ZNF721: variants seen among roughly 807,000 people sequenced by gnomAD.
ZNF721 encodes the protein zinc finger protein 721.
In ZNF721, 2 loss-of-function variants were observed where a neutral mutation model predicts 2.4. The observed-to-expected ratio is 0.82, with a 90% CI of 0.34 to 2.58. ZNF721 has a LOEUF of 2.58. Among genes scored for constraint, ZNF721 ranks in the 30% most tolerant of loss-of-function variants. The pLI is 0.11. For missense variants in ZNF721, 1,187 were observed against 1,085.5 expected (o/e 1.09, Z -1.31); for synonymous variants, 398 against 381.8 (o/e 1.04, Z -0.50).
chr4:440,525 A>G lies in ZNF721; in HGVS notation c.*1170T>C, dbSNP rs765358077. ...TATACTTAATACTCTGATTTATTTT[A>G]AAGTCTGAAGTGTTAGTTCCTTAGT... On this transcript the variant is annotated 3_prime_UTR_variant, in exon 3 of 3. Coordinates refer to ENST00000511833, the MANE Select transcript of ZNF721 (RefSeq NM_133474.4). 5 of 152,232 alleles carry G rather than the reference A, an allele frequency of 3.3e-5. No homozygotes were observed. Among genetic ancestry groups the G allele is most frequent in the Non-Finnish European group, 7.3e-5 (5 of 68,044 alleles). 9.4% of individuals were successfully genotyped at this position (152,232 alleles called of 1,614,324 possible). A position where few individuals can be genotyped will look rare whatever the true frequency, so the allele number is the denominator to read the frequency against.
At position 442,679 on chromosome 4, in the gene ZNF721, C is replaced by T. The variant is rs782475318; in HGVS notation, c.1788G>A (p.Arg596=). 14 of 1,613,840 alleles carry T rather than the reference C, an allele frequency of 8.7e-6. No homozygotes were observed. In the East Asian group the frequency reaches 2.0e-4, roughly 23 times the overall value. Residue 596 remains arginine, a synonymous_variant, in exon 3 of 3, where the codon CGG becomes CGA. Transcript: ENST00000511833. ...TCTTGTGTTGATTCAGGTCTGTGTA[C>T]CGTCCAAAGGCTTTGCCACACTCTT... ...KCEECGKAFG[R]YTDLNQHKKI...
chr4:455,785 C>CA (rs1162195394), intron 2 of ZNF721, among the ~76,000 whole-genome samples: 1 of 152,018 alleles, frequency 6.6e-6, no homozygotes, highest in African/African-American at 2.4e-5. Flanking sequence ...TTTTGTAAGA[C>CA]AAAATGTAGA....
At chr4:451,979 AG>A (rs1435800369) in intron 2 of ZNF721, among the ~76,000 whole-genome samples, 21 of 152,208 alleles carry the variant, frequency 1.4e-4, no homozygotes, top group Admixed American at 1.3e-3. Flanking sequence ...CAGTTGGTAA[AG>A]GGAATGCTGA....
chr4:483,453 G>A (rs1325219272), intron 1 of ZNF721, among the ~76,000 whole-genome samples: 2 of 152,078 alleles, frequency 1.3e-5, no homozygotes, highest in Admixed American at 6.5e-5. Context: ...TTGGGAGGCT[G>A]AGGCAGGAGA....
intron 1 of ZNF721, among the ~76,000 whole-genome samples, chr4:473,372 C>T (rs1715499458): frequency 6.6e-6 from 1 of 152,102 alleles, no homozygotes; most frequent in Non-Finnish European, 1.5e-5. Context: ...CCAACACAAA[C>T]GCTTTTCATC....
chr4:488,495 C>A (rs1384272595), intron 1 of ZNF721, among the ~76,000 whole-genome samples: 1 of 152,164 alleles, frequency 6.6e-6, no homozygotes, highest in Admixed American at 6.5e-5. Context: ...GGTGGTCTCT[C>A]TTCCTGTGGA....
Position 444,248 on chromosome 4 carries a change from C to G in ZNF721, c.219G>C (p.Leu73Phe), listed in dbSNP as rs1222358832. Residue 73 changes from leucine to phenylalanine, a missense_variant, in exon 3 of 3, where the codon TTG becomes TTC. Physicochemically the swap from Leu to Phe is conservative, Grantham distance 22. Transcript: ENST00000511833. ...KGVYNGINKC[L>F]SNTQSKIFQC... ...GAAATATTTTGCTCTGAGTATTTGA[C>G]AAGCATTTATTAATTCCATTATAAA... The G allele has an allele frequency of 6.2e-7, 1 of 1,613,594 alleles. No individual in the cohort carries two copies. Among genetic ancestry groups the G allele is most frequent in the Non-Finnish European group, 8.5e-7 (1 of 1,179,764 alleles).
intron 1 of ZNF721, among the ~76,000 whole-genome samples, chr4:498,664 C>A (rs1442391795): frequency 6.6e-6 from 1 of 151,390 alleles, no homozygotes; most frequent in Non-Finnish European, 1.5e-5. Context: ...CATGTGGCAT[C>A]TTTAAAACGA....
At chr4:488,008 T>A (rs758790023) in intron 1 of ZNF721, among the ~76,000 whole-genome samples, 4 of 152,146 alleles carry the variant, frequency 2.6e-5, no homozygotes, top group Non-Finnish European at 4.4e-5. Flanking sequence ...GGGTACCAAT[T>A]CGCCTCAGCC....
chr4:483,289 G>A (rs1186726382), intron 1 of ZNF721, among the ~76,000 whole-genome samples: 2 of 152,166 alleles, frequency 1.3e-5, no homozygotes, highest in Non-Finnish European at 2.9e-5. Flanking sequence ...GGTGGCTCAC[G>A]CCTGTAATCC....
chr4:492,168 A>C (rs578025072), intron 1 of ZNF721, among the ~76,000 whole-genome samples: 2,176 of 151,698 alleles, frequency 0.014, 27 homozygotes, highest in Middle Eastern at 0.059. Context: ...GTCTCAAAAA[A>C]AAAAAAACAA....
At chr4:493,675 T>TC (rs1389677302) in intron 1 of ZNF721, among the ~76,000 whole-genome samples, 3 of 64,668 alleles carry the variant, frequency 4.6e-5, no homozygotes, top group South Asian at 6.1e-4. Flanking sequence ...GAAGATTCCA[T>TC]CCCCCCCGCA....
intron 2 of ZNF721, among the ~76,000 whole-genome samples, chr4:472,227 G>T (rs1715459658): frequency 6.6e-6 from 1 of 152,036 alleles, no homozygotes; most frequent in Non-Finnish European, 1.5e-5. Flanking sequence ...TGCCCAGCTA[G>T]TTTTTTGTAT....
intron 1 of ZNF721, among the ~76,000 whole-genome samples, chr4:494,888 C>T (rs1279883438): frequency 2.3e-5 from 3 of 128,088 alleles, no homozygotes; most frequent in East Asian, 5.0e-4. Flanking sequence ...TTTTACAGTG[C>T]ACTTATTTTT....
intron 1 of ZNF721, among the ~76,000 whole-genome samples, chr4:479,185 C>T (rs1553869038): frequency 6.6e-6 from 1 of 152,212 alleles, no homozygotes; most frequent in African/African-American, 2.4e-5. Flanking sequence ...GAAGCTGCTG[C>T]TTCTTCCATT....
chr4:471,741 GTTC>G lies in ZNF721; in HGVS notation c.34+831_34+833del, dbSNP rs369475920. On this transcript the variant is annotated intron_variant, in intron 2 of 2. Coordinates refer to ENST00000511833, the MANE Select transcript of ZNF721 (RefSeq NM_133474.4). ...TTTGCTAGGACACTAGGCCTTAAGTGTTCTTATTACCAAAAAAATCATGATCTA... is the reference window on the plus strand; with the variant it reads ...TTTGCTAGGACACTAGGCCTTAAGTGTTATTACCAAAAAAATCATGATCTA... 3.7e-3 allele frequency among the ~76,000 whole-genome samples: 562 copies of G among 152,050 alleles called. 2 individuals carry two copies. The highest frequency in any genetic ancestry group is 0.013 in the African/African-American group (550 of 41,470).
rs541018397 is a variant in ZNF721 at position 460,614 on chromosome 4, C to T, written c.34+11961G>A. 2.9e-5 allele frequency among the ~76,000 whole-genome samples: 4 copies of T among 140,268 alleles called. No individual in the cohort carries two copies. The South Asian group carries it at 6.8e-4, about 24-fold the overall frequency. 92.0% of individuals were successfully genotyped at this position (140,268 alleles called of 152,430 possible). A position where few individuals can be genotyped will look rare whatever the true frequency, so the allele number is the denominator to read the frequency against. On this transcript the variant is annotated intron_variant, in intron 2 of 2. Transcript: ENST00000511833. ...AGCAGAACTGGAGGAAATAGAGACA[C>T]GAAAGACCCTTTCAAAAAAAAAAAA...
chr4:459,420 C>T (rs1213751835), intron 2 of ZNF721, among the ~76,000 whole-genome samples: 3 of 151,890 alleles, frequency 2.0e-5, no homozygotes, highest in East Asian at 3.9e-4. Context: ...CAAAGACAAA[C>T]ACAGGCTCAA....
At chr4:468,433 A>G (rs1239799835) in intron 2 of ZNF721, among the ~76,000 whole-genome samples, 1 of 151,902 alleles carries the variant, frequency 6.6e-6, no homozygotes, top group East Asian at 1.9e-4. Context: ...CCGTCACAAA[A>G]AAAAGAAAAA....
Sources: allele counts gnomAD v4.1 joint callset (sites outside exome capture counted in the v4.1 genomes callset), GRCh38; gene constraint gnomAD v4.1.1; transcripts MANE v1.5; gene names NCBI Gene and HGNC (gene_info 2026-07-23, HGNC 2026-07-21).